GRIP2: variants seen among roughly 807,000 people sequenced by gnomAD.
GRIP2 encodes glutamate receptor interacting protein 2, also known as glutamate receptor-interacting protein 2.
A neutral mutation model predicts 108.3 loss-of-function variants in GRIP2; 58 were observed. The observed-to-expected ratio is 0.54, with a 90% CI of 0.43 to 0.67. GRIP2 has a LOEUF of 0.67. Among genes scored for constraint, GRIP2 ranks in the 30% least tolerant of loss-of-function variants. The pLI, the probability that GRIP2 is intolerant of heterozygous loss-of-function variation, is 0.00. For missense variants in GRIP2, 1,278 were observed against 1,430.6 expected (o/e 0.89, Z 1.72); for synonymous variants, 586 against 598.2 (o/e 0.98, Z 0.30).
In GRIP2 at chr3:14,506,823, G is replaced by A. The variant is rs767677522; in HGVS notation, c.2376C>T (p.Thr792=). Residue 792 remains threonine (T), a synonymous_variant, in exon 19 of 24, where the codon ACC becomes ACT. Coordinates refer to ENST00000621039, the MANE Select transcript of GRIP2 (RefSeq NM_001080423.4). ...TACCTGGGCCCCCAAAGCCACCCTC[G>A]GTGGCCGAGCTGTCCCAAGACTCCA... is the stretch of plus-strand genomic sequence containing the variant. ...SAVESWDSSA[T]EGGFGGPGSY... The A allele has an allele frequency of 2.2e-5, 35 of 1,602,722 alleles. 1 individual carries two copies. In the East Asian group the frequency reaches 3.8e-4, roughly 18 times the overall value.
chr3:14,600,617 T>G, the GRIP2 span, among the ~76,000 whole-genome samples: 4 of 152,160 alleles, frequency 2.6e-5, no homozygotes, highest in Non-Finnish European at 2.9e-5. Flanking sequence ...CCTGCATCTA[T>G]CCCTGTCACT....
the GRIP2 span, among the ~76,000 whole-genome samples, chr3:14,586,739 G>C: frequency 4.4e-4 from 67 of 152,196 alleles, no homozygotes; most frequent in African/African-American, 1.6e-3. Flanking sequence ...CCCAGGAAAC[G>C]TAAGTCTTAC....
At position 14,540,203 on chromosome 3, in the gene GRIP2, C is replaced by T. The variant is rs1393750967; in HGVS notation, c.40+66G>A. On this transcript the variant is annotated intron_variant, in intron 1 of 23. Transcript: ENST00000621039. This position sits in a 1 kb window ranked among gnomAD's most constrained non-coding sequence, Gnocchi z 4.1. ...AGCCATCCAGTCCCCTCTCTCTGGG[C>T]AGCAGCTCCAGAGGGATCTATGTGT... 19 of 1,557,376 alleles carry T rather than the reference C, an allele frequency of 1.2e-5. No individual in the cohort carries two copies. In the African/African-American group the frequency reaches 2.0e-4, roughly 17 times the overall value.
upstream of GRIP2, among the ~76,000 whole-genome samples, chr3:14,546,050 G>C (rs910341016): frequency 6.6e-6 from 1 of 152,242 alleles, no homozygotes; most frequent in Non-Finnish European, 1.5e-5. Context: ...CAGGTGGTCA[G>C]GGAGAGGCTC....
At chr3:14,548,416 A>C (rs975044544) in intron 1 of GRIP2, among the ~76,000 whole-genome samples, 38 of 152,206 alleles carry the variant, frequency 2.5e-4, no homozygotes, top group African/African-American at 9.2e-4. Flanking sequence ...CGTCAGAAGC[A>C]GTGCACGGAC....
upstream of GRIP2, among the ~76,000 whole-genome samples, chr3:14,540,878 C>T (rs1694954928): frequency 6.6e-6 from 1 of 152,222 alleles, no homozygotes; most frequent in Non-Finnish European, 1.5e-5. This position sits in a 1 kb window ranked among gnomAD's most constrained non-coding sequence, Gnocchi z 4.1. Flanking sequence ...GTTCCAACTA[C>T]CTCTCCTAGG....
rs542617085 is a variant in GRIP2, at chr3:14,491,444, G to A, written c.*2221C>T. The A allele has an allele frequency of 6.6e-6, 1 of 152,396 alleles. No individual in the cohort carries two copies. The highest frequency in any genetic ancestry group is 2.1e-4 in the South Asian group (1 of 4,830). 9.4% of individuals were successfully genotyped at this position (152,396 alleles called of 1,614,324 possible). Reference sequence around the variant, plus strand: ...ATGTCACAGGGGCTGTTCCCAAAATGCATAGGCAGGCAGGGCGCTCACTGG... The same window carrying A: ...ATGTCACAGGGGCTGTTCCCAAAATACATAGGCAGGCAGGGCGCTCACTGG... On this transcript the variant is annotated 3_prime_UTR_variant, in exon 24 of 24. Transcript: ENST00000621039.
the GRIP2 span, among the ~76,000 whole-genome samples, chr3:14,598,883 C>T: frequency 6.6e-6 from 1 of 152,178 alleles, no homozygotes; most frequent in Non-Finnish European, 1.5e-5. Context: ...TTTCCTTCTG[C>T]TCTTGGTGTG....
intron 1 of GRIP2, among the ~76,000 whole-genome samples, chr3:14,555,532 C>A (rs111987045): frequency 1.3e-5 from 2 of 151,442 alleles, no homozygotes. Context: ...GGCAGAGAAC[C>A]GGGTGAGGGA....
In GRIP2 at chr3:14,514,242, G is replaced by T. The variant is rs547049406; in HGVS notation, c.1493+50C>A. 69 of 1,411,524 alleles carry T rather than the reference G, an allele frequency of 4.9e-5. No homozygotes were observed. The East Asian group carries it at 1.0e-3, about 21-fold the overall frequency. 87.4% of individuals were successfully genotyped at this position (1,411,524 alleles called of 1,614,324 possible). A position where few individuals can be genotyped will look rare whatever the true frequency, so the allele number is the denominator to read the frequency against. On this transcript the variant is annotated intron_variant, in intron 12 of 23. Transcript: ENST00000621039. ...AGCTAGGGCTTGGTGCTGTGACTCA[G>T]TTTCTCTCAGAGAGTGGCAGGCTCA...
At chr3:14,593,091 G>A in the GRIP2 span, among the ~76,000 whole-genome samples, 1 of 152,180 alleles carries the variant, frequency 6.6e-6, no homozygotes, top group South Asian at 2.1e-4. Flanking sequence ...GGGAACTAAT[G>A]TCATCCCCAA....
intron 5 of GRIP2, 176 bp downstream of exon 5, chr3:14,523,436 C>A (rs1443438058): frequency 3.3e-6 from 2 of 606,242 alleles, no homozygotes; most frequent in Non-Finnish European, 5.9e-6. Context: ...CCCAACCAAG[C>A]CTACTTCATT....
chr3:14,549,352 G>T (rs1329348773), intron 1 of GRIP2, among the ~76,000 whole-genome samples: 1 of 152,216 alleles, frequency 6.6e-6, no homozygotes, highest in African/African-American at 2.4e-5. Flanking sequence ...GTGACAGTCA[G>T]TCTGTTATCC....
intron 16 of GRIP2, among the ~76,000 whole-genome samples, chr3:14,510,932 G>A (rs994368501): frequency 1.3e-5 from 2 of 152,180 alleles, no homozygotes; most frequent in Admixed American, 6.5e-5. Flanking sequence ...TGGAGACTAC[G>A]GGAGAGTCTC....
Position 14,521,901 on chromosome 3 carries a change from G to T in GRIP2, c.567-114C>A, listed in dbSNP as rs1198502658. The T allele has an allele frequency of 3.0e-6, 3 of 991,604 alleles. No individual in the cohort carries two copies. Among genetic ancestry groups the T allele is most frequent in the Non-Finnish European group, 4.3e-6 (3 of 702,658 alleles). The allele number at this position is 991,604 out of a possible 1,614,324, so 61.4% of individuals were successfully genotyped here. A position where few individuals can be genotyped will look rare whatever the true frequency, so the allele number is the denominator to read the frequency against. ...GATGAAGAAGCAGGGAATGGGTGGG[G>T]GAGGAAGGGGAGGAGGGGACGGGTG... On this transcript the variant is annotated intron_variant, in intron 6 of 23. Coordinates refer to ENST00000621039, the MANE Select transcript of GRIP2 (RefSeq NM_001080423.4). The surrounding 1 kb of genome is among the most constrained non-coding windows in gnomAD (Gnocchi z 5.1).
At chr3:14,598,487 G>A in the GRIP2 span, among the ~76,000 whole-genome samples, 1 of 152,112 alleles carries the variant, frequency 6.6e-6, no homozygotes, top group South Asian at 2.1e-4. Flanking sequence ...GGTTAACTAC[G>A]TTGACAGCCT....
upstream of GRIP2, among the ~76,000 whole-genome samples, chr3:14,556,328 T>G (rs1050502671): frequency 3.2e-4 from 49 of 152,158 alleles, no homozygotes; most frequent in African/African-American, 1.1e-3. Flanking sequence ...GGGCTGGCTG[T>G]TTGATACTTC....
the GRIP2 span, among the ~76,000 whole-genome samples, chr3:14,575,394 G>C: frequency 6.6e-6 from 1 of 152,134 alleles, no homozygotes; most frequent in Non-Finnish European, 1.5e-5. Flanking sequence ...GAGCACACGT[G>C]GGGTGAGGAA....
At chr3:14,601,432 T>C in the GRIP2 span, among the ~76,000 whole-genome samples, 901 of 152,156 alleles carry the variant, frequency 5.9e-3, 6 homozygotes, top group Non-Finnish European at 9.8e-3. Context: ...CCCCTCCTTA[T>C]TGGCAGCCCT....
Sources: gnomAD v4.1 joint callset for allele counts (sites outside exome capture counted in the v4.1 genomes callset) on GRCh38, gnomAD v4.1.1 for gene constraint, Gnocchi (gnomAD v3.1) non-coding constraint, MANE v1.5 for transcripts, NCBI Gene and HGNC (gene_info 2026-07-23, HGNC 2026-07-21) for gene names.